WDTC1: variants seen among roughly 807,000 people sequenced by gnomAD.
The protein encoded by WDTC1 is WD and tetratricopeptide repeats 1.
Under a neutral mutation model 76.0 loss-of-function variants are expected in WDTC1, and 12 were observed. The observed-to-expected ratio is 0.16, with a 90% CI of 0.10 to 0.26. The LOEUF (loss-of-function observed/expected upper bound fraction) is 0.26, where lower values mean the gene tolerates loss of function less well. Among genes scored for constraint, WDTC1 ranks in the 10% least tolerant of loss-of-function variants. The pLI is 1.00. For synonymous variants in WDTC1, 326 were observed against 350.8 expected (o/e 0.93, Z 0.79); for missense variants, 511 against 908.8 (o/e 0.56, Z 5.63).
At chr1:27,245,008 A>C (rs1420095488) in intron 1 of WDTC1, among the ~76,000 whole-genome samples, 1 of 151,788 alleles carries the variant, frequency 6.6e-6, no homozygotes, top group Admixed American at 6.6e-5. Context: ...ACGGCAGAAT[A>C]GACTGAGAGA....
At chr1:27,287,893 C>T (rs771750645) in intron 6 of WDTC1, 32 bp downstream of exon 6, 2 of 1,596,348 alleles carry the variant, frequency 1.3e-6, no homozygotes, top group South Asian at 1.1e-5. Flanking sequence ...TGGAGCCTGT[C>T]GCTCCCCCAT....
intron 1 of WDTC1, among the ~76,000 whole-genome samples, chr1:27,244,209 GAA>G (rs537696021): frequency 6.6e-6 from 1 of 151,206 alleles, no homozygotes; most frequent in Non-Finnish European, 1.5e-5. Context: ...GTATAGAAAA[GAA>G]AAAAAAATTT....
intron 1 of WDTC1, among the ~76,000 whole-genome samples, chr1:27,239,810 CAA>C (rs532939885): frequency 2.0e-4 from 12 of 60,802 alleles, no homozygotes; most frequent in Non-Finnish European, 2.7e-4. Flanking sequence ...GACTCTGTCT[CAA>C]AAAAAAAAAA....
chr1:27,253,808 G>A (rs2012181414), intron 1 of WDTC1, among the ~76,000 whole-genome samples: 1 of 152,130 alleles, frequency 6.6e-6, no homozygotes. Flanking sequence ...CCTTGATGTA[G>A]TCTTTTCTAG....
chr1:27,247,963 C>G (rs2011906945), intron 1 of WDTC1, among the ~76,000 whole-genome samples: 1 of 152,138 alleles, frequency 6.6e-6, no homozygotes. Context: ...GGTGATCTGC[C>G]CGCCTCGGCC....
At chr1:27,299,229 A>G (rs368877931) in intron 12 of WDTC1, among the ~76,000 whole-genome samples, 84 of 152,330 alleles carry the variant, frequency 5.5e-4, no homozygotes, top group Middle Eastern at 3.4e-3. Flanking sequence ...ACTATGTGCT[A>G]GGTACTAGGA....
chr1:27,280,181 C>T (rs1306778167), intron 3 of WDTC1, among the ~76,000 whole-genome samples: 1 of 152,178 alleles, frequency 6.6e-6, no homozygotes, highest in African/African-American at 2.4e-5. Context: ...GGGCCTGACA[C>T]ATAGTAAGCT....
chr1:27,297,229 T>C (rs1469684050), intron 11 of WDTC1, 73 bp downstream of exon 11: 24 of 1,364,218 alleles, frequency 1.8e-5, no homozygotes, highest in Non-Finnish European at 2.3e-5. Context: ...GGACATAACC[T>C]GTAAATCTTC....
chr1:27,260,401 G>T (rs968210593), intron 1 of WDTC1, among the ~76,000 whole-genome samples: 1 of 152,152 alleles, frequency 6.6e-6, no homozygotes, highest in Non-Finnish European at 1.5e-5. Context: ...CACCGCGCCC[G>T]GCCCTACGAG....
rs543906271 is a variant in WDTC1, at chr1:27,263,948, T to A, written c.132+713T>A. Among the ~76,000 whole-genome samples, 77 of 151,714 alleles carry A rather than the reference T, an allele frequency of 5.1e-4. 1 individual carries two copies. The South Asian group carries it at 0.016, about 32-fold the overall frequency. On this transcript the variant is annotated intron_variant, in intron 3 of 15. Coordinates refer to ENST00000319394, the MANE Select transcript of WDTC1 (RefSeq NM_001276252.2). The stretch of plus-strand genomic sequence containing the variant: ...CACACACACACAAACACACACACTT[T>A]CTTATTTTAGCATCAAAGCAATGCT...
chr1:27,253,978 T>C (rs1199529026), intron 1 of WDTC1, among the ~76,000 whole-genome samples: 1 of 152,176 alleles, frequency 6.6e-6, no homozygotes, highest in Non-Finnish European at 1.5e-5. Context: ...GATCTGATTA[T>C]TTGTGTTTGA....
intron 4 of WDTC1, 95 bp downstream of exon 4, chr1:27,282,380 T>G (rs1002163498): frequency 1.2e-5 from 15 of 1,262,716 alleles, no homozygotes; most frequent in Admixed American, 6.2e-5. Context: ...AGGAAAAGAT[T>G]GGACCCAAAT....
rs750541506 is a variant in WDTC1, at chr1:27,306,209, C to T, written c.1860C>T (p.Val620=). The change falls in exon 16 of 16, where the codon GTC becomes GTT. Residue 620 remains valine, a synonymous_variant. Coordinates refer to ENST00000319394, the MANE Select transcript of WDTC1 (RefSeq NM_001276252.2). The surrounding 1 kb of genome is among the most constrained non-coding windows in gnomAD (Gnocchi z 5.0). ...RPESEDLTGR[V]VEDMEGASQA... The stretch of plus-strand genomic sequence containing the variant: ...AGAGTGAAGACCTCACAGGCCGAGT[C>T]GTGGAAGATATGGAGGGTGCTTCAC... The T allele has an allele frequency of 1.5e-5, 25 of 1,613,940 alleles. No individual in the cohort carries two copies. The highest frequency in any genetic ancestry group is 2.0e-5 in the Non-Finnish European group (24 of 1,180,020).
chr1:27,265,379 C>T (rs535564177), intron 3 of WDTC1, among the ~76,000 whole-genome samples: 40 of 152,236 alleles, frequency 2.6e-4, no homozygotes, highest in African/African-American at 8.9e-4. Context: ...AATTCTTTGC[C>T]TTGGAAAATA....
intron 1 of WDTC1, among the ~76,000 whole-genome samples, chr1:27,244,844 A>C (rs922568719): frequency 6.6e-6 from 1 of 152,192 alleles, no homozygotes; most frequent in African/African-American, 2.4e-5. Flanking sequence ...CGTCTCTGCT[A>C]TGGGAGGTAG....
chr1:27,266,173 C>T (rs773158637), intron 3 of WDTC1, among the ~76,000 whole-genome samples: 1 of 152,008 alleles, frequency 6.6e-6, no homozygotes, highest in African/African-American at 2.4e-5. Flanking sequence ...GGACCAAGAA[C>T]CAAGGTGTTT....
At chr1:27,292,172 A>G (rs1454169537) in intron 6 of WDTC1, 43 bp from the exon 7 acceptor site, 1 of 1,447,974 alleles carries the variant, frequency 6.9e-7, no homozygotes, top group African/African-American at 1.5e-5. Context: ...CTTCCTCTCA[A>G]GGACCCCAAG....
intron 1 of WDTC1, among the ~76,000 whole-genome samples, chr1:27,237,979 T>G (rs2011528913): frequency 6.6e-6 from 1 of 152,192 alleles, no homozygotes; most frequent in Non-Finnish European, 1.5e-5. Context: ...GACTGACATT[T>G]TATTCAGGGC....
At chr1:27,304,246 CCAT>C (rs2013899976) in intron 14 of WDTC1, 1 of 169,796 alleles carries the variant, frequency 5.9e-6, no homozygotes, top group Non-Finnish European at 1.2e-5. Context: ...GTTTCAGACA[CCAT>C]CATCCCCACC....
Sources: allele counts gnomAD v4.1 joint callset (sites outside exome capture counted in the v4.1 genomes callset), GRCh38; gene constraint gnomAD v4.1.1; non-coding constraint Gnocchi (gnomAD v3.1); transcripts MANE v1.5; gene names NCBI Gene and HGNC (gene_info 2026-07-23, HGNC 2026-07-21).